SLC25A30: variants seen among roughly 807,000 people sequenced by gnomAD.
The protein encoded by SLC25A30 is solute carrier family 25 member 30.
Under a neutral mutation model 42.7 loss-of-function variants are expected in SLC25A30, and 29 were observed. The observed-to-expected ratio is 0.68, with a 90% CI of 0.51 to 0.93. The LOEUF is 0.93. Among genes scored for constraint, SLC25A30 ranks in the 40% least tolerant of loss-of-function variants. The probability of loss-of-function intolerance (pLI) is 0.00; values close to 1 mark genes in which losing one functional copy is unlikely to be tolerated. For missense variants in SLC25A30, 300 were observed against 359.7 expected, an observed-to-expected ratio of 0.83 and a Z score of 1.34; for synonymous variants, 124 against 131.0, an observed-to-expected ratio of 0.95 and a Z score of 0.37.
intron 9 of SLC25A30, 129 bp from the exon 10 acceptor site, chr13:45,396,144 A>C (rs1881296745): frequency 6.3e-7 from 1 of 1,585,462 alleles, no homozygotes; most frequent in African/African-American, 1.4e-5. Context: ...GACACGATTA[A>C]ATAAAAGGGG....
At chr13:45,422,702 T>C (rs987345639), upstream of SLC25A30, among the ~76,000 whole-genome samples, 3 of 152,120 alleles carry the variant, frequency 2.0e-5, no homozygotes, top group Admixed American at 6.6e-5. Flanking sequence ...GAATGTTGCT[T>C]TGGGCATTTG....
At chr13:45,400,258 C>T (rs1881832935) in intron 7 of SLC25A30, among the ~76,000 whole-genome samples, 1 of 151,378 alleles carries the variant, frequency 6.6e-6, no homozygotes, top group South Asian at 2.1e-4. Flanking sequence ...CTCAGCTCTA[C>T]AAAAAATACA....
At chr13:45,426,180 A>G in the SLC25A30 span, among the ~76,000 whole-genome samples, 1 of 151,318 alleles carries the variant, frequency 6.6e-6, no homozygotes, top group East Asian at 1.9e-4. Context: ...TCCGCCTCCC[A>G]GGTTCAAGCA....
At position 45,393,435 on chromosome 13, in the gene SLC25A30, CT is replaced by C; in HGVS notation, c.*2538del. On this transcript the variant is annotated 3_prime_UTR_variant, in exon 10 of 10. Coordinates refer to ENST00000519676, the MANE Select transcript of SLC25A30 (RefSeq NM_001010875.4). ...TAAAGGCTTATGAAAACTTCATACT[CT>C]TTATATAATGCATACTATTTCTAGC... 1 of 983,610 alleles carries C rather than the reference CT, an allele frequency of 1.0e-6. No homozygotes were observed. 60.9% of individuals were successfully genotyped at this position (983,610 alleles called of 1,614,324 possible).
chr13:45,425,605 T>A, the SLC25A30 span, among the ~76,000 whole-genome samples: 5 of 50,374 alleles, frequency 9.9e-5, no homozygotes, highest in African/African-American at 3.9e-4. Flanking sequence ...TACATATATA[T>A]ATACATATAT....
chr13:45,425,551 A>T, the SLC25A30 span, among the ~76,000 whole-genome samples: 258 of 62,844 alleles, frequency 4.1e-3, 38 homozygotes, highest in African/African-American at 0.013. Flanking sequence ...TATATATATA[A>T]GTATATATAT....
At chr13:45,407,690 G>C (rs1882644781) in intron 3 of SLC25A30, among the ~76,000 whole-genome samples, 1 of 152,098 alleles carries the variant, frequency 6.6e-6, no homozygotes. Context: ...TTCAGATAGG[G>C]TCCCACACTG....
chr13:45,432,165 G>A, the SLC25A30 span, among the ~76,000 whole-genome samples: 1 of 151,624 alleles, frequency 6.6e-6, no homozygotes, highest in African/African-American at 2.4e-5. Context: ...AGGTACTCGG[G>A]AGGCTGAGGC....
chr13:45,407,951 C>T (rs1243544185), intron 3 of SLC25A30, among the ~76,000 whole-genome samples: 2 of 152,222 alleles, frequency 1.3e-5, no homozygotes, highest in East Asian at 3.9e-4. Flanking sequence ...AGATCCTCAT[C>T]TAGTCTTCCT....
upstream of SLC25A30, among the ~76,000 whole-genome samples, chr13:45,421,004 G>A (rs1468971027): frequency 1.3e-5 from 2 of 152,046 alleles, no homozygotes; most frequent in Non-Finnish European, 1.5e-5. Context: ...TTCCTCCAAG[G>A]GTCTTGGCCC....
At chr13:45,412,391 G>A (rs1883109354) in intron 1 of SLC25A30, among the ~76,000 whole-genome samples, 1 of 152,120 alleles carries the variant, frequency 6.6e-6, no homozygotes, top group South Asian at 2.1e-4. Flanking sequence ...ACTATGCCCA[G>A]CCACCACAGG....
the SLC25A30 span, among the ~76,000 whole-genome samples, chr13:45,425,155 G>GTATATATACATATAT: frequency 1.6e-4 from 7 of 44,748 alleles, no homozygotes; most frequent in Admixed American, 3.9e-4. Flanking sequence ...TAAATATATT[G>GTATATATACATATAT]ATAAATATAT....
the SLC25A30 span, among the ~76,000 whole-genome samples, chr13:45,424,609 AT>A: frequency 6.4e-4 from 33 of 51,804 alleles, 5 homozygotes; most frequent in South Asian, 9.1e-3. Flanking sequence ...ATATATATAA[AT>A]ATATATAAAT....
intron 2 of SLC25A30, among the ~76,000 whole-genome samples, chr13:45,410,700 T>C (rs1054541218): frequency 6.6e-6 from 1 of 152,140 alleles, no homozygotes; most frequent in Admixed American, 6.5e-5. Flanking sequence ...TAGTCTCACC[T>C]ACTTGGGAGA....
At chr13:45,433,631 A>C in the SLC25A30 span, among the ~76,000 whole-genome samples, 1 of 152,210 alleles carries the variant, frequency 6.6e-6, no homozygotes, top group Non-Finnish European at 1.5e-5. Flanking sequence ...TCTGAACATA[A>C]CCATGACATT....
rs1881208154 is a variant in SLC25A30, at chr13:45,395,032, TG to T, written c.*941del. 1.0e-6 allele frequency: 1 copy of T among 985,324 alleles called. No individual in the cohort carries two copies. Among genetic ancestry groups the T allele is most frequent in the African/African-American group, 1.7e-5 (1 of 57,252 alleles). The allele number at this position is 985,324 out of a possible 1,614,324, so 61.0% of individuals were successfully genotyped here. On this transcript the variant is annotated 3_prime_UTR_variant, in exon 10 of 10. Coordinates refer to ENST00000519676, the MANE Select transcript of SLC25A30 (RefSeq NM_001010875.4). Reference sequence around the variant, plus strand: ...ATTCACAATTACCATGAGAAGCCCATGAGAACATGCCCCTCTTCTACATAGA... The same window carrying T: ...ATTCACAATTACCATGAGAAGCCCATAGAACATGCCCCTCTTCTACATAGA...
the SLC25A30 span, among the ~76,000 whole-genome samples, chr13:45,428,471 T>G: frequency 1.3e-5 from 2 of 151,054 alleles, no homozygotes. Flanking sequence ...CCTCCCAAAG[T>G]GCTGGGATTA....
At chr13:45,423,330 A>G (rs912640156), upstream of SLC25A30, among the ~76,000 whole-genome samples, 11 of 151,326 alleles carry the variant, frequency 7.3e-5, no homozygotes, top group African/African-American at 2.7e-4. Context: ...GTGCAGGGAA[A>G]CTCATGTGAA....
Position 45,395,933 on chromosome 13 carries a change from GT to G in SLC25A30, c.*40del, listed in dbSNP as rs972211658. ...CACAGGAAGCTTTGCTGTTTCAGAA[GT>G]TACCATTTTCAGAAAGATGTCTCAT... On this transcript the variant is annotated 3_prime_UTR_variant, in exon 10 of 10. Transcript: ENST00000519676. The G allele has an allele frequency of 6.2e-7, 1 of 1,614,014 alleles. No individual in the cohort carries two copies. The highest frequency in any genetic ancestry group is 1.3e-5 in the African/African-American group (1 of 74,930).
Sources: allele counts gnomAD v4.1 joint callset (sites outside exome capture counted in the v4.1 genomes callset), GRCh38; gene constraint gnomAD v4.1.1; transcripts MANE v1.5; gene names NCBI Gene and HGNC (gene_info 2026-07-23, HGNC 2026-07-21).